Variants in ZNF33B observed in about 807,000 individuals in gnomAD.
ZNF33B encodes the protein zinc finger protein 33B.
Under a neutral mutation model 45.8 loss-of-function variants are expected in ZNF33B, and 29 were observed. The ratio of observed to expected loss-of-function variants is 0.63; its 90% confidence interval spans 0.47 to 0.86. The LOEUF is 0.86. Ranked by LOEUF, ZNF33B falls within the 40% of genes least tolerant of loss-of-function variation. The pLI, the probability that ZNF33B is intolerant of heterozygous loss-of-function variation, is 0.00. For missense variants in ZNF33B, 831 were observed against 909.9 expected (o/e 0.91, Z 1.12); for synonymous variants, 305 against 307.8 (o/e 0.99, Z 0.10).
intron 1 of ZNF33B, chr10:42,582,998 G>A (rs1730800797): frequency 9.8e-6 from 7 of 711,976 alleles, no homozygotes; most frequent in South Asian, 8.6e-5. Flanking sequence ...TGGGAAGGTA[G>A]TTTGGAAGAA....
At chr10:42,604,836 G>A (rs751837775) in intron 4 of ZNF33B, among the ~76,000 whole-genome samples, 4 of 151,750 alleles carry the variant, frequency 2.6e-5, no homozygotes, top group Non-Finnish European at 5.9e-5. Flanking sequence ...CAGGAGAATC[G>A]CTTGACCCCA....
Position 42,594,479 on chromosome 10 carries a change from G to A in ZNF33B, c.471C>T (p.Ile157=), listed in dbSNP as rs1837308199. The part of the protein sequence containing the change: ...MSFNTVSELV[I]SKINYLGKKS... Reference sequence around the variant, plus strand: ...TTTTTCCTAAATAGTTTATCTTACTGATAACCAATTCTGAAACAGTGTTGA... The same window carrying A: ...TTTTTCCTAAATAGTTTATCTTACTAATAACCAATTCTGAAACAGTGTTGA... Residue 157 remains isoleucine (I), a synonymous_variant, in exon 5 of 5, where the codon ATC becomes ATT. Transcript: ENST00000359467. 1 of 1,613,154 alleles carries A rather than the reference G, an allele frequency of 6.2e-7. No homozygotes were observed. Among genetic ancestry groups the A allele is most frequent in the Admixed American group, 1.7e-5 (1 of 59,870 alleles).
intron 4 of ZNF33B, among the ~76,000 whole-genome samples, chr10:42,624,980 CCTA>C (rs1281859919): frequency 6.6e-6 from 1 of 151,840 alleles, no homozygotes; most frequent in African/African-American, 2.4e-5. Context: ...AATAATTCCT[CCTA>C]CTATTCTTTT....
At chr10:42,576,765 A>C (rs953695563) in intron 1 of ZNF33B, among the ~76,000 whole-genome samples, 35 of 152,202 alleles carry the variant, frequency 2.3e-4, no homozygotes, top group African/African-American at 8.0e-4. Context: ...GAAAACAAGA[A>C]GGAAAGCTAT....
Position 42,593,098 on chromosome 10 carries a change from A to AG in ZNF33B, c.1851dup (p.Phe618LeufsTer21). The stretch of plus-strand genomic sequence containing the variant: ...TGAGTGAGTTGTGACTTCTGGCAGA[A>AG]GGTTTTTCCACATTCATTACATTCA... On this transcript the variant is annotated frameshift_variant, in exon 5 of 5. Transcript: ENST00000359467. LOFTEE classifies it high-confidence loss of function. 1 of 1,613,998 alleles carries AG rather than the reference A, an allele frequency of 6.2e-7. No homozygotes were observed. Among genetic ancestry groups the AG allele is most frequent in the South Asian group, 1.1e-5 (1 of 91,080 alleles).
chr10:42,637,495 T>A (rs917613049), intron 1 of ZNF33B, among the ~76,000 whole-genome samples: 1 of 152,206 alleles, frequency 6.6e-6, no homozygotes, highest in Non-Finnish European at 1.5e-5. Context: ...CTTGCTTTGA[T>A]GTGTGTAGAA....
At chr10:42,631,193 G>GA (rs1204849864) in intron 4 of ZNF33B, among the ~76,000 whole-genome samples, 1 of 150,984 alleles carries the variant, frequency 6.6e-6, no homozygotes, top group African/African-American at 2.4e-5. Flanking sequence ...ACATAATTTT[G>GA]TTTTTTTTTT....
intron 4 of ZNF33B, 112 bp downstream of exon 4, chr10:42,631,817 G>T (rs1839067771): frequency 1.2e-6 from 1 of 843,502 alleles, no homozygotes; most frequent in Non-Finnish European, 2.0e-6. Flanking sequence ...CAGAGGTTAG[G>T]ACCCCTATGG....
At chr10:42,637,513 A>G (rs1192665901) in intron 1 of ZNF33B, among the ~76,000 whole-genome samples, 1 of 152,226 alleles carries the variant, frequency 6.6e-6, no homozygotes, top group Non-Finnish European at 1.5e-5. Context: ...GAAAAGTAGT[A>G]CTGGCTTAGG....
intron 4 of ZNF33B, among the ~76,000 whole-genome samples, chr10:42,601,468 G>GT (rs57196690): frequency 0.029 from 2,315 of 79,132 alleles, 102 homozygotes; most frequent in African/African-American, 0.046. Context: ...ACATGGGCTT[G>GT]TTTTTTTTTT....
chr10:42,577,978 G>A (rs1275398958), intron 1 of ZNF33B, among the ~76,000 whole-genome samples: 1 of 152,124 alleles, frequency 6.6e-6, no homozygotes, highest in East Asian at 1.9e-4. Context: ...TGGCCTAGGT[G>A]GAAGCAGGAG....
intron 1 of ZNF33B, among the ~76,000 whole-genome samples, chr10:42,575,136 C>T (rs963374899): frequency 2.6e-5 from 4 of 152,184 alleles, no homozygotes; most frequent in African/African-American, 9.7e-5. Flanking sequence ...ACAAGGTCTT[C>T]TTTATTTGGA....
chr10:42,604,345 T>C (rs1332091870), intron 4 of ZNF33B, among the ~76,000 whole-genome samples: 1 of 152,114 alleles, frequency 6.6e-6, no homozygotes, highest in African/African-American at 2.4e-5. Context: ...CTCTGGAGGC[T>C]GAGGCAAGAG....
intron 4 of ZNF33B, among the ~76,000 whole-genome samples, chr10:42,620,478 A>G (rs1291530904): frequency 6.6e-6 from 1 of 151,998 alleles, no homozygotes; most frequent in South Asian, 2.1e-4. Flanking sequence ...ACAGGACTCA[A>G]TGCACCCTTG....
At chr10:42,574,354 T>C (rs1836716501) in exon 2 of ZNF33B, 2 of 152,178 alleles carry the variant, frequency 1.3e-5, no homozygotes, top group Admixed American at 6.5e-5. Context: ...TCTCGGGACA[T>C]CCTTCAATTG....
chr10:42,574,220 C>A (rs1453077289), exon 2 of ZNF33B: 1 of 146,450 alleles, frequency 6.8e-6, no homozygotes, highest in African/African-American at 2.6e-5. Context: ...ACAGAAAAGT[C>A]ATGCAACATG....
Position 42,626,965 on chromosome 10 carries a change from G to C in ZNF33B, c.250+4964C>G, listed in dbSNP as rs367970881. Among the ~76,000 whole-genome samples, 6 of 151,548 alleles carry C rather than the reference G, an allele frequency of 4.0e-5. No individual in the cohort carries two copies. The East Asian group carries it at 9.7e-4, about 25-fold the overall frequency. On this transcript the variant is annotated intron_variant, in intron 4 of 4. Coordinates refer to ENST00000359467, the MANE Select transcript of ZNF33B (RefSeq NM_006955.3). ...CCCTAATTGAGTTGTAATAGTTTTT[G>C]GTTTCTGAAAAACTGCTACATTTCT...
At chr10:42,622,288 A>G (rs1838624612) in intron 4 of ZNF33B, among the ~76,000 whole-genome samples, 2 of 152,338 alleles carry the variant, frequency 1.3e-5, no homozygotes, top group South Asian at 4.1e-4. Context: ...ATTTAACACA[A>G]TCCCTATCAA....
chr10:42,627,573 T>C (rs1838865631), intron 4 of ZNF33B, among the ~76,000 whole-genome samples: 1 of 152,168 alleles, frequency 6.6e-6, no homozygotes, highest in African/African-American at 2.4e-5. Context: ...TTAACAGAGG[T>C]TTTATTTTGC....
Sources: allele counts gnomAD v4.1 joint callset (sites outside exome capture counted in the v4.1 genomes callset), GRCh38; gene constraint gnomAD v4.1.1; transcripts MANE v1.5; gene names NCBI Gene and HGNC (gene_info 2026-07-23, HGNC 2026-07-21).